Variants in GRIN1 observed in about 807,000 individuals in gnomAD.
GRIN1 encodes the protein glutamate ionotropic receptor NMDA type subunit 1, also known as glutamate receptor ionotropic, NMDA 1.
A neutral mutation model predicts 103.0 loss-of-function variants in GRIN1; 38 were observed. The ratio of observed to expected loss-of-function variants is 0.37; its 90% CI spans 0.28 to 0.48. GRIN1 has a LOEUF of 0.48. Ranked by LOEUF, GRIN1 falls within the 20% of genes least tolerant of loss-of-function variation. The pLI is 0.98. For missense variants in GRIN1, 577 were observed against 1,288.9 expected (o/e 0.45, Z 8.46); for synonymous variants, 544 against 532.7 (o/e 1.02, Z -0.29).
intron 1 of GRIN1, among the ~76,000 whole-genome samples, 170 bp from the exon 2 acceptor site, chr9:137,141,843 C>T (rs1832180755): frequency 6.6e-6 from 1 of 152,144 alleles, no homozygotes; most frequent in Non-Finnish European, 1.5e-5. Flanking sequence ...CCCTCCCCTG[C>T]CCTGTGGGCA....
chr9:137,158,324 G>C, intron 6 of GRIN1, 55 bp from the exon 7 acceptor site: 1 of 1,587,510 alleles, frequency 6.3e-7, no homozygotes, highest in Non-Finnish European at 8.6e-7. Flanking sequence ...AAGGAGCAGG[G>C]AGGAGCAGGA....
At position 137,146,222 on chromosome 9, in the gene GRIN1, G is replaced by A. The variant is rs528712696; in HGVS notation, c.570+320G>A. ...CCTCGCTCCCTGGAGGCCCCAGCCG[G>A]GCTTGGGACTCGTCACCCTTCCCGC... On this transcript the variant is annotated intron_variant, in intron 3 of 19. Transcript: ENST00000371561. This position sits in a 1 kb window ranked among gnomAD's most constrained non-coding sequence, Gnocchi z 6.7. Among the ~76,000 whole-genome samples, 101 of 152,054 alleles carry A rather than the reference G, an allele frequency of 6.6e-4. 1 individual carries two copies. In the South Asian group the frequency reaches 0.02, roughly 30 times the overall value.
At chr9:137,147,771 C>G (rs1267771397) in intron 3 of GRIN1, among the ~76,000 whole-genome samples, 1 of 152,248 alleles carries the variant, frequency 6.6e-6, no homozygotes, top group Non-Finnish European at 1.5e-5. Flanking sequence ...GGGGGCTGCT[C>G]ACCTCCCACT....
intron 19 of GRIN1, 60 bp downstream of exon 19, chr9:137,165,356 C>G: frequency 9.4e-7 from 1 of 1,063,822 alleles, no homozygotes; most frequent in Non-Finnish European, 1.5e-6. Flanking sequence ...CTGCGTGTGT[C>G]TCCCGCCCCA....
At chr9:137,144,710 TC>T (rs1832399533) in intron 2 of GRIN1, among the ~76,000 whole-genome samples, 1 of 104,478 alleles carries the variant, frequency 9.6e-6, no homozygotes, top group African/African-American at 4.4e-5. Context: ...GGTCCCAGGG[TC>T]TAGAAAGTGT....
intron 4 of GRIN1, among the ~76,000 whole-genome samples, chr9:137,154,209 C>T (rs1833086325): frequency 6.7e-6 from 1 of 149,960 alleles, no homozygotes; most frequent in Admixed American, 6.7e-5. Context: ...ACTGCAACCT[C>T]GGCCTCCCAG....
At chr9:137,163,695 G>T (rs764620872) in intron 17 of GRIN1, 27 bp downstream of exon 17, 3 of 1,613,304 alleles carry the variant, frequency 1.9e-6, no homozygotes, top group Admixed American at 3.3e-5. Flanking sequence ...CCATTCTCGG[G>T]TGGGTTCTCC....
intron 6 of GRIN1, 55 bp downstream of exon 6, chr9:137,157,092 G>T: frequency 7.7e-7 from 1 of 1,290,700 alleles, no homozygotes. Flanking sequence ...GGTGGGCGGG[G>T]TCACTCCAGA....
intron 8 of GRIN1, 125 bp from the exon 9 acceptor site, chr9:137,160,931 G>T: frequency 8.2e-7 from 1 of 1,222,750 alleles, no homozygotes; most frequent in Non-Finnish European, 1.2e-6. Flanking sequence ...GGCGCAGGGC[G>T]GGGGGTGTGA....
At chr9:137,158,919 G>A (rs957077271) in intron 8 of GRIN1, among the ~76,000 whole-genome samples, 1 of 152,180 alleles carries the variant, frequency 6.6e-6, no homozygotes, top group African/African-American at 2.4e-5. Flanking sequence ...CATCCCACAG[G>A]GGGTCTCCAG....
chr9:137,168,204 G>T lies in GRIN1; in HGVS notation c.*677G>T. On this transcript the variant is annotated 3_prime_UTR_variant, in exon 20 of 20. Transcript: ENST00000371561. ...CCGCAGCACCAGCCTGAGCCACAGT[G>T]GGGCCCATGGCCCCAGCTGGCTGGG... 1 of 357,852 alleles carries T rather than the reference G, an allele frequency of 2.8e-6. No homozygotes were observed. Among genetic ancestry groups the T allele is most frequent in the Non-Finnish European group, 5.2e-6 (1 of 193,866 alleles). 22.2% of individuals were successfully genotyped at this position (357,852 alleles called of 1,614,324 possible). A position where few individuals can be genotyped will look rare whatever the true frequency, so the allele number is the denominator to read the frequency against.
Position 137,162,189 on chromosome 9 carries a change from G to T in GRIN1, c.1650G>T (p.Thr550=), listed in dbSNP as rs1588731007. ...CTCCGCAGGAGATTCCCCGGAGCACGCTGGACTCGTTCATGCAGCCGTTCC... is the reference window on the plus strand; with the variant it reads ...CTCCGCAGGAGATTCCCCGGAGCACTCTGGACTCGTTCATGCAGCCGTTCC... ...ILVKKEIPRS[T]LDSFMQPFQS... Residue 550 remains threonine, a synonymous_variant, in exon 12 of 20, where the codon ACG becomes ACT. Transcript: ENST00000371561. The T allele has an allele frequency of 3.2e-6, 5 of 1,544,360 alleles. No homozygotes were observed. The highest frequency in any genetic ancestry group is 1.9e-5 in the Admixed American group (1 of 51,538).
Position 137,145,758 on chromosome 9 carries a change from G to A in GRIN1, c.426G>A (p.Pro142=), listed in dbSNP as rs201424528. ...ACCTGAGCTTCCTGCGCACCGTGCCGCCCTACTCCCACCAGTCCAGCGTGT... is the reference window on the plus strand; with the variant it reads ...ACCTGAGCTTCCTGCGCACCGTGCCACCCTACTCCCACCAGTCCAGCGTGT... ...SIHLSFLRTV[P]PYSHQSSVWF... Residue 142 remains proline, a synonymous_variant, in exon 3 of 20, where the codon CCG becomes CCA. Transcript: ENST00000371561. 36 of 1,613,314 alleles carry A rather than the reference G, an allele frequency of 2.2e-5. No homozygotes were observed. The highest frequency in any genetic ancestry group is 6.7e-5 in the Admixed American group (4 of 59,968).
At position 137,142,231 on chromosome 9, in the gene GRIN1, C is replaced by A. The variant is rs562603481; in HGVS notation, c.393+84C>A. ...ACTCCAGGAGCAGCGGGCCGACCCG[C>A]TCACATGGAACTCACACACCACAAA... On this transcript the variant is annotated intron_variant, in intron 2 of 19. Coordinates refer to ENST00000371561, the MANE Select transcript of GRIN1 (RefSeq NM_007327.4). The A allele has an allele frequency of 3.1e-4, 434 of 1,411,002 alleles. 1 individual carries two copies. In the African/African-American group the frequency reaches 5.3e-3, roughly 17 times the overall value. 87.4% of individuals were successfully genotyped at this position (1,411,002 alleles called of 1,614,324 possible).
At chr9:137,162,805 T>C (rs1199531889) in intron 14 of GRIN1, 41 bp from the exon 15 acceptor site, 18 of 1,607,428 alleles carry the variant, frequency 1.1e-5, no homozygotes, top group African/African-American at 2.7e-5. Flanking sequence ...GTTAGGGGCC[T>C]GGGGAGCCGC....
In GRIN1 at chr9:137,167,526, G is replaced by A. The variant is rs1357901887; in HGVS notation, c.2816G>A (p.Ter939=). 2 of 1,549,242 alleles carry A rather than the reference G, an allele frequency of 1.3e-6. No homozygotes were observed. The highest frequency in any genetic ancestry group is 1.2e-5 in the South Asian group (1 of 84,266). ...CTGTGTTCCCGTCATAGGGAGAGCT[G>A]AGACTCCCCGCCCGCCCTCCTCTGC... ...LQLCSRHRES[*] Residue 939 remains the stop codon, a stop_retained_variant, in exon 20 of 20, where the codon TGA becomes TAA. Coordinates refer to ENST00000371561, the MANE Select transcript of GRIN1 (RefSeq NM_007327.4).
chr9:137,151,899 CTTTTTTTTT>C (rs138380793), intron 4 of GRIN1, among the ~76,000 whole-genome samples: 3 of 93,468 alleles, frequency 3.2e-5, no homozygotes, highest in African/African-American at 1.3e-4. Flanking sequence ...CTTGTGGCCT[CTTTTTTTTT>C]TTTTTTTTTT....
rs1180379297 is a variant in GRIN1, at chr9:137,163,019, C to T, written c.2171+16C>T. 3 of 1,579,356 alleles carry T rather than the reference C, an allele frequency of 1.9e-6. No individual in the cohort carries two copies. Among genetic ancestry groups the T allele is most frequent in the South Asian group, 1.1e-5 (1 of 87,368 alleles). Reference sequence around the variant, plus strand: ...TGAGAGACAAGTGAGGCGCGGGCGGCCACCCTGGCGGGGCGGGACAGGTGC... The same window carrying T: ...TGAGAGACAAGTGAGGCGCGGGCGGTCACCCTGGCGGGGCGGGACAGGTGC... On this transcript the variant is annotated intron_variant, in intron 15 of 19. Transcript: ENST00000371561.
In GRIN1 at chr9:137,161,317, C is replaced by T. The variant is rs1181774689; in HGVS notation, c.1368C>T (p.Tyr456=). 3 of 1,612,492 alleles carry T rather than the reference C, an allele frequency of 1.9e-6. No individual in the cohort carries two copies. Among genetic ancestry groups the T allele is most frequent in the South Asian group, 1.1e-5 (1 of 91,084 alleles). The change falls in exon 10 of 20, where the codon TAC becomes TAT. Residue 456 remains tyrosine, a synonymous_variant. Transcript: ENST00000371561. The part of the protein sequence containing the change: ...SPRHTVPQCC[Y]GFCIDLLIKL... ...GCCACACGGTGCCTCAGTGTTGCTACGGCTTTTGCATCGACCTGCTCATCA... is the reference window on the plus strand; with the variant it reads ...GCCACACGGTGCCTCAGTGTTGCTATGGCTTTTGCATCGACCTGCTCATCA...
Sources: allele counts gnomAD v4.1 joint callset (sites outside exome capture counted in the v4.1 genomes callset), GRCh38; gene constraint gnomAD v4.1.1; non-coding constraint Gnocchi (gnomAD v3.1); transcripts MANE v1.5; gene names NCBI Gene and HGNC (gene_info 2026-07-23, HGNC 2026-07-21).